ST7L: variants seen among roughly 807,000 people sequenced by gnomAD.
The protein encoded by ST7L is suppressor of tumorigenicity 7 protein-like.
In ST7L, 57 loss-of-function variants were observed where a neutral mutation model predicts 72.5. That is an observed-to-expected ratio of 0.79 (90% CI 0.64 to 0.98). The LOEUF is 0.98. Among genes scored for constraint, ST7L ranks in the 50% least tolerant of loss-of-function variants. ST7L has a pLI of 0.00. For synonymous variants in ST7L, 221 were observed against 240.9 expected (o/e 0.92, Z 0.77); for missense variants, 576 against 672.2 (o/e 0.86, Z 1.58).
intron 14 of ST7L, chr1:112,530,288 G>A (rs922437569): frequency 6.6e-6 from 1 of 152,146 alleles, no homozygotes; most frequent in South Asian, 2.1e-4. Context: ...TGCATGAGTA[G>A]TTTAGAATTT....
In ST7L at chr1:112,555,347, C is replaced by T. The variant is rs960080355; in HGVS notation, c.1396+521G>A. On this transcript the variant is annotated intron_variant, in intron 12 of 14. Coordinates refer to ENST00000358039, the MANE Select transcript of ST7L (RefSeq NM_017744.5). ...TTGGGAGGCAGAGGTGGGCGGATCA[C>T]GAGATCAGGAGATCGAGACCATCCT... 2.6e-4 allele frequency among the ~76,000 whole-genome samples: 40 copies of T among 152,186 alleles called. No homozygotes were observed. In the East Asian group the frequency reaches 7.1e-3, roughly 27 times the overall value.
chr1:112,544,403 A>T (rs1407127728), intron 13 of ST7L, among the ~76,000 whole-genome samples: 1 of 152,254 alleles, frequency 6.6e-6, no homozygotes, highest in African/African-American at 2.4e-5. Flanking sequence ...AAATGTCCAG[A>T]ACCTTGAGCC....
intron 3 of ST7L, among the ~76,000 whole-genome samples, chr1:112,608,581 T>C (rs1668622442): frequency 6.6e-6 from 1 of 152,236 alleles, no homozygotes; most frequent in African/African-American, 2.4e-5. Context: ...ATTAATGGCA[T>C]ATTCAGTCTT....
intron 11 of ST7L, among the ~76,000 whole-genome samples, chr1:112,569,725 G>C (rs190294345): frequency 6.6e-6 from 1 of 152,198 alleles, no homozygotes; most frequent in South Asian, 2.1e-4. Flanking sequence ...ATGGGAGGCC[G>C]AGGCGGGTGG....
At position 112,582,471 on chromosome 1, in the gene ST7L, C is replaced by T. The variant is rs779130937; in HGVS notation, c.858G>A (p.Arg286=). ...TATATACCAGTACATTGGTATCTCT[C>T]CCTATTTAGAAAAACAAAAAAATGA... ...HQSPQHEAQL[R]RDTNVLVYIK... Residue 286 remains arginine (R), a splice_region_variant and synonymous_variant, in exon 8 of 15, where the codon AGG becomes AGA. Transcript: ENST00000358039. The T allele has an allele frequency of 1.1e-5, 18 of 1,580,686 alleles. No homozygotes were observed. In the South Asian group the frequency reaches 2.1e-4, roughly 18 times the overall value.
rs1293044780 is a variant in ST7L at position 112,618,878 on chromosome 1, C to G, written c.205+31G>C. ...GCCCCCGACATCTCTCCTGGCCCCC[C>G]GCCCTGCCCCAGGAGGTCTGGTCCT... On this transcript the variant is annotated intron_variant, in intron 1 of 14. Coordinates refer to ENST00000358039, the MANE Select transcript of ST7L (RefSeq NM_017744.5). 4 of 1,549,284 alleles carry G rather than the reference C, an allele frequency of 2.6e-6. No homozygotes were observed. The African/African-American group carries it at 4.1e-5, about 16-fold the overall frequency.
At chr1:112,601,129 G>A (rs987221677) in intron 3 of ST7L, among the ~76,000 whole-genome samples, 7 of 152,048 alleles carry the variant, frequency 4.6e-5, no homozygotes, top group Non-Finnish European at 8.8e-5. Context: ...TTAAAACTTC[G>A]CTCATTTTTC....
chr1:112,540,786 G>A (rs1201612604), intron 14 of ST7L: 1 of 1,283,380 alleles, frequency 7.8e-7, no homozygotes, highest in Non-Finnish European at 1.0e-6. Context: ...TACCAAGTAA[G>A]GACTAGTTTT....
intron 11 of ST7L, among the ~76,000 whole-genome samples, chr1:112,561,568 C>T (rs1660149903): frequency 6.6e-6 from 1 of 151,748 alleles, no homozygotes. Context: ...GCAACTTCTG[C>T]CTCCTGGGTT....
intron 4 of ST7L, among the ~76,000 whole-genome samples, chr1:112,599,062 A>AAC (rs1339090130): frequency 3.8e-5 from 2 of 53,054 alleles, no homozygotes; most frequent in Non-Finnish European, 6.6e-5. Flanking sequence ...TCAGCCTCAA[A>AAC]AAAAAAAAAA....
At chr1:112,617,500 C>G (rs748349963) in intron 1 of ST7L, among the ~76,000 whole-genome samples, 3 of 152,062 alleles carry the variant, frequency 2.0e-5, no homozygotes, top group African/African-American at 7.2e-5. Flanking sequence ...TCACTGGTAG[C>G]CAGAAGTTCA....
At chr1:112,536,004 A>T (rs1655150156) in intron 14 of ST7L, among the ~76,000 whole-genome samples, 1 of 152,216 alleles carries the variant, frequency 6.6e-6, no homozygotes. Flanking sequence ...CCAACAATGG[A>T]ACAAATATGT....
chr1:112,608,547 CTTAAGG>C (rs2101014322), intron 3 of ST7L, among the ~76,000 whole-genome samples: 1 of 152,222 alleles, frequency 6.6e-6, no homozygotes, highest in Non-Finnish European at 1.5e-5. Flanking sequence ...ATGAAATGTT[CTTAAGG>C]TTATCTTCAC....
chr1:112,520,142 G>A, downstream of ST7L: 2 of 777,728 alleles, frequency 2.6e-6, no homozygotes, highest in Non-Finnish European at 4.2e-6. Context: ...AAAATGCTGG[G>A]ATGATAGGCA....
intron 13 of ST7L, among the ~76,000 whole-genome samples, chr1:112,548,573 T>C (rs1302401077): frequency 1.3e-5 from 2 of 152,204 alleles, no homozygotes; most frequent in Admixed American, 1.3e-4. Flanking sequence ...ACTTATCAAC[T>C]AGTTAAGTTT....
intron 11 of ST7L, among the ~76,000 whole-genome samples, chr1:112,576,481 A>AAG (rs1484278486): frequency 1.3e-5 from 2 of 152,180 alleles, no homozygotes; most frequent in East Asian, 3.8e-4. Context: ...AAGACAAAGC[A>AAG]AGTATATAGA....
chr1:112,550,728 C>A, intron 12 of ST7L, 35 bp from the exon 13 acceptor site: 1 of 1,535,418 alleles, frequency 6.5e-7, no homozygotes, highest in South Asian at 1.2e-5. Context: ...ATACTCAATT[C>A]TGTCTCATTT....
At chr1:112,552,164 G>T (rs776635918) in intron 12 of ST7L, among the ~76,000 whole-genome samples, 5 of 152,056 alleles carry the variant, frequency 3.3e-5, no homozygotes, top group Non-Finnish European at 7.4e-5. Context: ...AACCTAATGT[G>T]CACATCTTTG....
chr1:112,574,524 TGG>T (rs1662765312), intron 11 of ST7L, among the ~76,000 whole-genome samples: 1 of 151,414 alleles, frequency 6.6e-6, no homozygotes, highest in Admixed American at 6.6e-5. Flanking sequence ...CCAGGCGTGG[TGG>T]CGGGCGCCTG....
Sources: gnomAD v4.1 joint callset for allele counts (sites outside exome capture counted in the v4.1 genomes callset) on GRCh38, gnomAD v4.1.1 for gene constraint, MANE v1.5 for transcripts, NCBI Gene and HGNC (gene_info 2026-07-23, HGNC 2026-07-21) for gene names.